ADARB2: variants seen among roughly 807,000 people sequenced by gnomAD.
ADARB2 encodes the protein inactive double-stranded RNA-specific editase B2.
A neutral mutation model predicts 62.2 loss-of-function variants in ADARB2; 25 were observed. That is an observed-to-expected ratio of 0.40 (90% CI 0.29 to 0.56). ADARB2 has a LOEUF of 0.56. Ranked by LOEUF, ADARB2 falls within the 20% of genes least tolerant of loss-of-function variation. The pLI is 0.43. For missense variants in ADARB2, 1,071 were observed against 1,077.4 expected (o/e 0.99, Z 0.08); for synonymous variants, 572 against 500.8 (o/e 1.14, Z -1.90).
At chr10:1,654,435 C>T (rs560130926) in intron 1 of ADARB2, among the ~76,000 whole-genome samples, 1 of 152,310 alleles carries the variant, frequency 6.6e-6, no homozygotes, top group South Asian at 2.1e-4. Flanking sequence ...CCTAGACCCT[C>T]CAATATCACC....
At chr10:1,604,013 C>G (rs1251768464) in intron 1 of ADARB2, among the ~76,000 whole-genome samples, 1 of 152,042 alleles carries the variant, frequency 6.6e-6, no homozygotes, top group Non-Finnish European at 1.5e-5. Flanking sequence ...CTATGTTGGC[C>G]AGGCTGGTCT....
intron 1 of ADARB2, among the ~76,000 whole-genome samples, chr10:1,640,131 G>T (rs1833963339): frequency 6.6e-6 from 1 of 152,200 alleles, no homozygotes; most frequent in South Asian, 2.1e-4. Context: ...TCTCCTGAGG[G>T]TGTTTTTCTG....
chr10:1,471,923 T>C (rs1378533633), intron 1 of ADARB2, among the ~76,000 whole-genome samples: 4 of 152,232 alleles, frequency 2.6e-5, no homozygotes, highest in Non-Finnish European at 5.9e-5. Context: ...CAGCGGTCTC[T>C]GGGTACCGTC....
At chr10:1,564,094 T>G (rs1160091031) in intron 1 of ADARB2, among the ~76,000 whole-genome samples, 28 of 152,026 alleles carry the variant, frequency 1.8e-4, no homozygotes, top group Non-Finnish European at 1.5e-5. Context: ...TAAACATACG[T>G]GTGCAGGTGT....
chr10:1,319,179 ATATAG>A (rs1831772849), intron 3 of ADARB2, among the ~76,000 whole-genome samples: 1 of 152,342 alleles, frequency 6.6e-6, no homozygotes, highest in Non-Finnish European at 1.5e-5. Flanking sequence ...GAGATACAGC[ATATAG>A]TATAAGAGCA....
chr10:1,633,064 G>A lies in ADARB2; in HGVS notation c.100+103987C>T, dbSNP rs80216996. On this transcript the variant is annotated intron_variant, in intron 1 of 9. Transcript: ENST00000381312. ...CCTCTCCCCAGGGCCTCAGACTCCC[G>A]TGCTCCTGCTTCCTCTCCTGCTTTT... Among the ~76,000 whole-genome samples the A allele has an allele frequency of 4.2e-3, 640 of 152,230 alleles. 4 individuals carry two copies. Among genetic ancestry groups the A allele is most frequent in the African/African-American group, 0.015 (610 of 41,534 alleles).
intron 1 of ADARB2, among the ~76,000 whole-genome samples, chr10:1,628,078 G>A (rs1315234124): frequency 6.6e-6 from 1 of 152,378 alleles, no homozygotes; most frequent in East Asian, 1.9e-4. Flanking sequence ...CCACGCGTGG[G>A]TAGATCAGAG....
chr10:1,704,931 G>A lies in ADARB2; in HGVS notation c.100+32120C>T, dbSNP rs1417406190. 6.6e-6 allele frequency among the ~76,000 whole-genome samples: 1 copy of A among 151,980 alleles called. No individual in the cohort carries two copies. Among genetic ancestry groups the A allele is most frequent in the African/African-American group, 2.4e-5 (1 of 41,360 alleles). ...TGCAGGGGAGACCATGAGGGCGTGG[G>A]CACCACCCAGCCATGAGTCTCAGAG... is the stretch of plus-strand genomic sequence containing the variant. On this transcript the variant is annotated intron_variant, in intron 1 of 9. Coordinates refer to ENST00000381312, the MANE Select transcript of ADARB2 (RefSeq NM_018702.4). This position sits in a 1 kb window ranked among gnomAD's most constrained non-coding sequence, Gnocchi z 5.6.
At chr10:1,549,640 C>T (rs1447917139) in intron 1 of ADARB2, among the ~76,000 whole-genome samples, 1 of 152,046 alleles carries the variant, frequency 6.6e-6, no homozygotes, top group South Asian at 2.1e-4. Context: ...GAGAGAGCTG[C>T]GTAAGAGAGA....
intron 3 of ADARB2, among the ~76,000 whole-genome samples, chr10:1,275,328 C>T (rs1831304961): frequency 6.6e-6 from 1 of 152,106 alleles, no homozygotes; most frequent in South Asian, 2.1e-4. Context: ...CAGTTCCACC[C>T]ACCCCAGCTG....
intron 4 of ADARB2, among the ~76,000 whole-genome samples, chr10:1,253,062 T>C (rs1231096147): frequency 2.6e-5 from 4 of 152,238 alleles, no homozygotes; most frequent in African/African-American, 9.6e-5. Flanking sequence ...TAGCCCTGTT[T>C]CTGCTGCTTA....
At chr10:1,482,083 C>G (rs1831480485) in intron 1 of ADARB2, among the ~76,000 whole-genome samples, 1 of 152,148 alleles carries the variant, frequency 6.6e-6, no homozygotes, top group East Asian at 1.9e-4. Context: ...CTAAAACACA[C>G]CACAGGAAAT....
chr10:1,429,256 G>A (rs1224115864), intron 1 of ADARB2, among the ~76,000 whole-genome samples: 1 of 152,212 alleles, frequency 6.6e-6, no homozygotes, highest in Non-Finnish European at 1.5e-5. Flanking sequence ...TGAGTTTTAT[G>A]TTTGCACAAA....
At chr10:1,436,158 G>T (rs968592277) in intron 1 of ADARB2, among the ~76,000 whole-genome samples, 1 of 152,176 alleles carries the variant, frequency 6.6e-6, no homozygotes, top group Non-Finnish European at 1.5e-5. Flanking sequence ...GTGCGTGTGT[G>T]CATGCTTGTG....
chr10:1,511,802 A>T (rs1831939420), intron 1 of ADARB2, among the ~76,000 whole-genome samples: 1 of 151,776 alleles, frequency 6.6e-6, no homozygotes, highest in African/African-American at 2.4e-5. Context: ...TACACTGGAC[A>T]CCAAGACGTC....
rs1430257956 is a variant in ADARB2 at position 1,304,972 on chromosome 10, A to G, written c.1078-33903T>C. On this transcript the variant is annotated intron_variant, in intron 3 of 9. Coordinates refer to ENST00000381312, the MANE Select transcript of ADARB2 (RefSeq NM_018702.4). ...TAACATCACAATTAAAAGAACTAGA[A>G]AAGCAAGAGCAAACACATTCAAAAG... Among the ~76,000 whole-genome samples the G allele has an allele frequency of 3.3e-5, 3 of 89,610 alleles. 1 individual carries two copies. The highest frequency in any genetic ancestry group is 5.3e-5 in the Non-Finnish European group (2 of 38,080). The allele number at this position is 89,610 out of a possible 152,430, so 58.8% of individuals were successfully genotyped here.
chr10:1,642,942 C>A (rs969738592), intron 1 of ADARB2, among the ~76,000 whole-genome samples: 1 of 152,226 alleles, frequency 6.6e-6, no homozygotes, highest in Non-Finnish European at 1.5e-5. Flanking sequence ...CACCCCGCGG[C>A]CCCCTCCTAA....
At chr10:1,599,553 T>C (rs1195482206) in intron 1 of ADARB2, among the ~76,000 whole-genome samples, 1 of 152,196 alleles carries the variant, frequency 6.6e-6, no homozygotes, top group Non-Finnish European at 1.5e-5. Context: ...CGTTAATTAA[T>C]ATTTTAATAC....
intron 3 of ADARB2, among the ~76,000 whole-genome samples, chr10:1,289,097 G>T (rs1427319514): frequency 6.6e-6 from 1 of 152,112 alleles, no homozygotes; most frequent in East Asian, 1.9e-4. Flanking sequence ...TCCCTCCAAA[G>T]CCTGCTACCC....
Sources: gnomAD v4.1 joint callset for allele counts (sites outside exome capture counted in the v4.1 genomes callset) on GRCh38, gnomAD v4.1.1 for gene constraint, Gnocchi (gnomAD v3.1) non-coding constraint, MANE v1.5 for transcripts, NCBI Gene and HGNC (gene_info 2026-07-23, HGNC 2026-07-21) for gene names.